Variants in GLG1 observed in about 807,000 individuals in gnomAD.
GLG1 encodes Golgi apparatus protein 1.
GLG1 carries 38 observed loss-of-function variants against 160.5 expected under a neutral mutation model. That is an observed-to-expected ratio of 0.24 (90% CI 0.18 to 0.31). The LOEUF (loss-of-function observed/expected upper bound fraction) is 0.31, where lower values mean the gene tolerates loss of function less well. Among genes scored for constraint, GLG1 ranks in the 10% least tolerant of loss-of-function variants. The pLI, the probability that GLG1 is intolerant of heterozygous loss-of-function variation, is 1.00. For synonymous variants in GLG1, 644 were observed against 543.4 expected, an observed-to-expected ratio of 1.19 and a Z score of -2.57; for missense variants, 1,373 against 1,505.2, an observed-to-expected ratio of 0.91 and a Z score of 1.45.
At chr16:74,596,672 T>C (rs746124513) in intron 1 of GLG1, among the ~76,000 whole-genome samples, 8 of 152,248 alleles carry the variant, frequency 5.3e-5, no homozygotes, top group Non-Finnish European at 7.3e-5. Flanking sequence ...ACTACCACAG[T>C]AGACAGTGCA....
intron 23 of GLG1, among the ~76,000 whole-genome samples, chr16:74,458,619 A>T (rs1020442156): frequency 2.6e-5 from 4 of 152,162 alleles, no homozygotes; most frequent in African/African-American, 9.7e-5. Flanking sequence ...AGGTCCAGTG[A>T]GCTATGACTG....
intron 10 of GLG1, among the ~76,000 whole-genome samples, chr16:74,480,973 T>C (rs375672751): frequency 6.6e-6 from 1 of 152,332 alleles, no homozygotes; most frequent in African/African-American, 2.4e-5. Context: ...CTCAAAGATA[T>C]CTTGGCTTTG....
Position 74,467,771 on chromosome 16 carries a change from T to C in GLG1, c.2514A>G (p.Gln838=), listed in dbSNP as rs1384881423. The C allele has an allele frequency of 8.1e-6, 13 of 1,609,550 alleles. No homozygotes were observed. The highest frequency in any genetic ancestry group is 2.2e-5 in the South Asian group (2 of 90,872). The change falls in exon 18 of 26, where the codon CAA becomes CAG. Residue 838 remains glutamine, a synonymous_variant. Coordinates refer to ENST00000422840, the MANE Select transcript of GLG1 (RefSeq NM_001145667.2). ...SDIKNFCSAV[Q]YGNAQIIECL... ...AAAAAGTTACCTGAGCGTTGCCATA[T>C]TGCACAGCGGAACAGAAGTTTTTGA...
At chr16:74,572,234 G>T (rs1034796037) in intron 1 of GLG1, among the ~76,000 whole-genome samples, 2 of 152,156 alleles carry the variant, frequency 1.3e-5, no homozygotes, top group African/African-American at 4.8e-5. Flanking sequence ...AAAGGGGCTG[G>T]GCACGGTGGC....
At chr16:74,581,430 C>G (rs543917804) in intron 1 of GLG1, among the ~76,000 whole-genome samples, 1 of 150,952 alleles carries the variant, frequency 6.6e-6, no homozygotes, top group African/African-American at 2.4e-5. Flanking sequence ...CATGGAATAC[C>G]TAGAGTAGTC....
intron 13 of GLG1, among the ~76,000 whole-genome samples, chr16:74,473,542 C>G (rs1468091112): frequency 6.7e-6 from 1 of 148,620 alleles, no homozygotes; most frequent in Non-Finnish European, 1.5e-5. Flanking sequence ...CGGGTTCACG[C>G]CACTCTCCTG....
chr16:74,529,687 T>G, intron 2 of GLG1, among the ~76,000 whole-genome samples: 1 of 152,102 alleles, frequency 6.6e-6, no homozygotes. Flanking sequence ...TATATAATTG[T>G]TCTCTAAAGA....
chr16:74,578,938 G>T (rs9921249), intron 1 of GLG1, among the ~76,000 whole-genome samples: 32,939 of 152,064 alleles, frequency 0.22, 5,263 homozygotes, highest in African/African-American at 0.44. Context: ...TGTGTCCTGA[G>T]AATTCTGCAT....
At position 74,496,511 on chromosome 16, in the gene GLG1, G is replaced by A. The variant is rs749636164; in HGVS notation, c.908C>T (p.Ser303Leu). Residue 303 changes from serine to leucine, a missense_variant, in exon 5 of 26, where the codon TCG becomes TTG. Physicochemically the swap from Ser to Leu is moderately radical, Grantham distance 145. This residue lies in a region of GLG1 where 174 missense variants were observed against 229.9 expected (regional missense o/e 0.76). Transcript: ENST00000422840. Reference sequence around the variant, plus strand: ...ATGCCGGTCTAAGTGAAAGTCATCCGATGACAGCTCAGCCACCCGGAGAAT... The same window carrying A: ...ATGCCGGTCTAAGTGAAAGTCATCCAATGACAGCTCAGCCACCCGGAGAAT... ...KAILRVAELS[S>L]DDFHLDRHLY... 2 of 1,613,970 alleles carry A rather than the reference G, an allele frequency of 1.2e-6. No homozygotes were observed. Among genetic ancestry groups the A allele is most frequent in the Non-Finnish European group, 1.7e-6 (2 of 1,179,904 alleles).
intron 1 of GLG1, among the ~76,000 whole-genome samples, chr16:74,576,047 A>G (rs1398458254): frequency 6.6e-6 from 1 of 152,096 alleles, no homozygotes; most frequent in African/African-American, 2.4e-5. Context: ...TAAACATACA[A>G]AAATTAGCCA....
intron 1 of GLG1, among the ~76,000 whole-genome samples, chr16:74,606,246 G>A (rs1234812988): frequency 6.6e-6 from 1 of 152,210 alleles, no homozygotes; most frequent in East Asian, 1.9e-4. Context: ...TACAGCCTAA[G>A]TACGCCAGGC....
chr16:74,492,439 C>A (rs896679363), intron 7 of GLG1, among the ~76,000 whole-genome samples: 29 of 151,206 alleles, frequency 1.9e-4, no homozygotes, highest in African/African-American at 6.6e-4. Flanking sequence ...TCCTAGCACT[C>A]TGGGAGCTAA....
At chr16:74,501,558 G>A (rs917857653) in intron 4 of GLG1, among the ~76,000 whole-genome samples, 1 of 152,202 alleles carries the variant, frequency 6.6e-6, no homozygotes, top group African/African-American at 2.4e-5. Context: ...AATTCAGAGA[G>A]CTAGAAGGAG....
intron 1 of GLG1, among the ~76,000 whole-genome samples, chr16:74,587,376 G>T (rs1260401587): frequency 6.6e-6 from 1 of 152,170 alleles, no homozygotes; most frequent in African/African-American, 2.4e-5. Flanking sequence ...TGAAAGATTT[G>T]AATAGTGGAA....
chr16:74,575,155 G>C (rs1287534688), intron 1 of GLG1, among the ~76,000 whole-genome samples: 4 of 150,370 alleles, frequency 2.7e-5, no homozygotes, highest in Non-Finnish European at 5.9e-5. Context: ...GCTGAGGCAG[G>C]GAATTACTTG....
At chr16:74,500,658 G>GAAATAATAAATGAAATAAT (rs1244593665) in intron 4 of GLG1, among the ~76,000 whole-genome samples, 4 of 151,710 alleles carry the variant, frequency 2.6e-5, no homozygotes, top group South Asian at 2.1e-4. Context: ...TTAAAAGCAG[G>GAAATAATAAATGAAATAAT]AAATAATAAA....
At chr16:74,497,653 G>T (rs914050601) in intron 4 of GLG1, among the ~76,000 whole-genome samples, 1 of 151,998 alleles carries the variant, frequency 6.6e-6, no homozygotes, top group Non-Finnish European at 1.5e-5. Context: ...TAGCCAGGAT[G>T]GTCTCGATCT....
chr16:74,573,550 C>A (rs1308102279), intron 1 of GLG1, among the ~76,000 whole-genome samples: 1 of 148,052 alleles, frequency 6.8e-6, no homozygotes, highest in Non-Finnish European at 1.5e-5. Context: ...GGCATGAATC[C>A]TCATCTTCCT....
At chr16:74,556,142 C>T (rs1180936036) in intron 1 of GLG1, among the ~76,000 whole-genome samples, 2 of 152,162 alleles carry the variant, frequency 1.3e-5, no homozygotes, top group East Asian at 3.9e-4. Flanking sequence ...AAGAATAAAT[C>T]GCCTACTTTA....
Sources: gnomAD v4.1 joint callset for allele counts (sites outside exome capture counted in the v4.1 genomes callset) on GRCh38, gnomAD v4.1.1 for gene constraint, gnomAD v4.1.1 regional missense constraint, MANE v1.5 for transcripts, NCBI Gene and HGNC (gene_info 2026-07-23, HGNC 2026-07-21) for gene names.